ARHGAP15: variants seen among roughly 807,000 people sequenced by gnomAD.
The protein encoded by ARHGAP15 is rho GTPase-activating protein 15.
In ARHGAP15, 51 loss-of-function variants were observed where a neutral mutation model predicts 63.7. That is an observed-to-expected ratio of 0.80 (90% CI 0.64 to 1.01). The LOEUF (loss-of-function observed/expected upper bound fraction) is 1.01, where lower values mean the gene tolerates loss of function less well. ARHGAP15 is among the 50% of genes least tolerant of loss of function. The pLI, the probability that ARHGAP15 is intolerant of heterozygous loss-of-function variation, is 0.00. For missense variants in ARHGAP15, 560 were observed against 564.6 expected, an observed-to-expected ratio of 0.99 and a Z score of 0.08; for synonymous variants, 191 against 193.8, an observed-to-expected ratio of 0.99 and a Z score of 0.12.
At chr2:143,364,666 A>G (rs972499878) in intron 6 of ARHGAP15, among the ~76,000 whole-genome samples, 1 of 152,188 alleles carries the variant, frequency 6.6e-6, no homozygotes, top group African/African-American at 2.4e-5. Context: ...GAATTTTACC[A>G]TGTTGCAGAT....
chr2:143,292,723 T>G (rs1026550579), intron 6 of ARHGAP15, among the ~76,000 whole-genome samples: 2 of 152,046 alleles, frequency 1.3e-5, no homozygotes, highest in Non-Finnish European at 2.9e-5. Flanking sequence ...ATAGTCTTAT[T>G]GATTTTTAAA....
At chr2:143,251,098 A>T (rs552910537) in intron 6 of ARHGAP15, among the ~76,000 whole-genome samples, 3 of 152,202 alleles carry the variant, frequency 2.0e-5, no homozygotes, top group East Asian at 3.9e-4. Context: ...TTGAAAAAAA[A>T]AGTTGATTAA....
chr2:143,141,720 T>G (rs905864206), intron 1 of ARHGAP15, among the ~76,000 whole-genome samples: 8 of 152,146 alleles, frequency 5.3e-5, no homozygotes, highest in Non-Finnish European at 1.5e-5. Context: ...CAAATGCAAA[T>G]GCAGTCTCCT....
At chr2:143,378,668 T>C (rs1176002384) in intron 6 of ARHGAP15, among the ~76,000 whole-genome samples, 1 of 152,048 alleles carries the variant, frequency 6.6e-6, no homozygotes, top group African/African-American at 2.4e-5. Flanking sequence ...CTGCTAAAAG[T>C]AGAAACATTG....
At chr2:143,255,374 T>C (rs2104995090) in intron 6 of ARHGAP15, among the ~76,000 whole-genome samples, 1 of 152,238 alleles carries the variant, frequency 6.6e-6, no homozygotes, top group South Asian at 2.1e-4. Flanking sequence ...AAAATAGATC[T>C]CGGGGGACAG....
At chr2:143,263,280 C>T (rs1051940155) in intron 6 of ARHGAP15, among the ~76,000 whole-genome samples, 2 of 152,134 alleles carry the variant, frequency 1.3e-5, no homozygotes, top group Admixed American at 6.6e-5. Context: ...GCTAATTCAG[C>T]ATTCTTAAAG....
chr2:143,719,840 A>G (rs1275084648), intron 13 of ARHGAP15, among the ~76,000 whole-genome samples: 1 of 152,204 alleles, frequency 6.6e-6, no homozygotes, highest in Non-Finnish European at 1.5e-5. Context: ...GCAAGCTCTT[A>G]AAGCAATTCA....
chr2:143,282,383 A>G (rs993136723), intron 6 of ARHGAP15, among the ~76,000 whole-genome samples: 4 of 152,140 alleles, frequency 2.6e-5, no homozygotes, highest in African/African-American at 9.7e-5. Context: ...ATAGACTTAC[A>G]GTTCCACACG....
At chr2:143,459,620 T>C (rs1690830177) in intron 8 of ARHGAP15, among the ~76,000 whole-genome samples, 1 of 152,162 alleles carries the variant, frequency 6.6e-6, no homozygotes, top group South Asian at 2.1e-4. Context: ...CTGAAAGCCT[T>C]AGAAATATGT....
At chr2:143,426,848 C>T (rs1236557784) in intron 6 of ARHGAP15, among the ~76,000 whole-genome samples, 1 of 152,184 alleles carries the variant, frequency 6.6e-6, no homozygotes, top group Non-Finnish European at 1.5e-5. Context: ...TATGTATCTT[C>T]TGTTCTCTGA....
chr2:143,537,216 G>A (rs796929444), intron 10 of ARHGAP15, among the ~76,000 whole-genome samples: 6 of 72,652 alleles, frequency 8.3e-5, no homozygotes, highest in Middle Eastern at 6.1e-3. Flanking sequence ...CCCACTTTTT[G>A]ACGAGGTTGT....
chr2:143,204,000 C>T (rs1159995627), intron 3 of ARHGAP15, among the ~76,000 whole-genome samples: 2 of 152,074 alleles, frequency 1.3e-5, no homozygotes, highest in East Asian at 3.9e-4. Flanking sequence ...AAGTCTTCTC[C>T]ATTTCACAAG....
chr2:143,489,503 T>C (rs1477452641), intron 9 of ARHGAP15, among the ~76,000 whole-genome samples: 1 of 152,214 alleles, frequency 6.6e-6, no homozygotes, highest in Admixed American at 6.5e-5. Context: ...GTTTCAGTTT[T>C]AGCTATGAAC....
intron 11 of ARHGAP15, among the ~76,000 whole-genome samples, chr2:143,593,468 T>C (rs1459549618): frequency 6.6e-6 from 1 of 152,200 alleles, no homozygotes; most frequent in African/African-American, 2.4e-5. Flanking sequence ...ATAAATTTTA[T>C]TTTGATGTTA....
chr2:143,202,292 C>A, intron 3 of ARHGAP15, 90 bp downstream of exon 3: 1 of 1,082,552 alleles, frequency 9.2e-7, no homozygotes, highest in Non-Finnish European at 1.4e-6. Context: ...AAGTTATTAT[C>A]TCATTTTTCT....
rs79063348 is a variant in ARHGAP15, at chr2:143,310,956, T to A, written c.474+60356T>A. ...ATAGAGAATTGTCTTTTGTCTGAGATCATGTTTAGGAAAACCTACAGAACT... is the reference window on the plus strand; with the variant it reads ...ATAGAGAATTGTCTTTTGTCTGAGAACATGTTTAGGAAAACCTACAGAACT... On this transcript the variant is annotated intron_variant, in intron 6 of 13. Transcript: ENST00000295095. Among the ~76,000 whole-genome samples the A allele has an allele frequency of 2.8e-3, 426 of 152,164 alleles. 11 individuals carry two copies. The East Asian group carries it at 0.075, about 27-fold the overall frequency.
At chr2:143,159,835 G>T (rs1325400552) in intron 2 of ARHGAP15, among the ~76,000 whole-genome samples, 1 of 151,886 alleles carries the variant, frequency 6.6e-6, no homozygotes, top group Non-Finnish European at 1.5e-5. Context: ...TTTTTAGTTT[G>T]ATGATTTCCT....
chr2:143,694,273 G>A (rs747708401), intron 12 of ARHGAP15, among the ~76,000 whole-genome samples: 17 of 152,136 alleles, frequency 1.1e-4, no homozygotes, highest in Non-Finnish European at 1.9e-4. Context: ...ATGGTGAAAT[G>A]TGACTATGTG....
At chr2:143,459,690 CCATT>C (rs1404031087) in intron 8 of ARHGAP15, among the ~76,000 whole-genome samples, 2 of 152,034 alleles carry the variant, frequency 1.3e-5, no homozygotes, top group Non-Finnish European at 2.9e-5. Flanking sequence ...TTCTTAAAAT[CCATT>C]CAAAGAAAAC....
Sources: gnomAD v4.1 joint callset for allele counts (sites outside exome capture counted in the v4.1 genomes callset) on GRCh38, gnomAD v4.1.1 for gene constraint, MANE v1.5 for transcripts, NCBI Gene and HGNC (gene_info 2026-07-23, HGNC 2026-07-21) for gene names.